OR6J1: variants seen among roughly 807,000 people sequenced by gnomAD.
The protein encoded by OR6J1 is olfactory receptor 6J1.
For synonymous variants in OR6J1, 109 were observed against 70.0 expected, an observed-to-expected ratio of 1.56 and a Z score of -2.78; for missense variants, 304 against 166.8, an observed-to-expected ratio of 1.82 and a Z score of -4.53.
At chr14:22,643,125 G>A (rs757547130) in intron 1 of OR6J1, among the ~76,000 whole-genome samples, 11 of 151,792 alleles carry the variant, frequency 7.2e-5, no homozygotes, top group African/African-American at 2.4e-4. Context: ...CTGCCACCAC[G>A]CCCAGCAGAT....
At chr14:22,638,887 T>C (rs1406483857) in intron 1 of OR6J1, among the ~76,000 whole-genome samples, 1 of 121,074 alleles carries the variant, frequency 8.3e-6, no homozygotes. Flanking sequence ...GGAGCGCCTC[T>C]TCCCAGCCGC....
chr14:22,640,911 G>A (rs970291382), intron 1 of OR6J1, among the ~76,000 whole-genome samples: 1 of 151,180 alleles, frequency 6.6e-6, no homozygotes, highest in East Asian at 1.9e-4. Context: ...GCTAACGCGT[G>A]TAATCCCAGC....
At chr14:22,642,218 C>T (rs2037657628) in intron 1 of OR6J1, among the ~76,000 whole-genome samples, 1 of 151,180 alleles carries the variant, frequency 6.6e-6, no homozygotes, top group Admixed American at 6.6e-5. Flanking sequence ...ATATATAACT[C>T]AAGTACCATA....
chr14:22,635,056 T>A (rs1258998482), intron 1 of OR6J1, among the ~76,000 whole-genome samples: 1 of 152,236 alleles, frequency 6.6e-6, no homozygotes, highest in Non-Finnish European at 1.5e-5. Context: ...ACCTATGCTG[T>A]CATATAGGTC....
chr14:22,637,666 C>A (rs1426985267), intron 1 of OR6J1, among the ~76,000 whole-genome samples: 1 of 78,992 alleles, frequency 1.3e-5, no homozygotes, highest in Non-Finnish European at 2.5e-5. Flanking sequence ...GCCAGCTGCC[C>A]CGTCCGGGAG....
Position 22,641,469 on chromosome 14 carries a change from A to G in OR6J1, c.-28+2629T>C, listed in dbSNP as rs1443703892. 1.7e-4 allele frequency among the ~76,000 whole-genome samples: 8 copies of G among 45,796 alleles called. No individual in the cohort carries two copies. In the East Asian group the frequency reaches 0.012, roughly 68 times the overall value. The allele number at this position is 45,796 out of a possible 152,430, so 30.0% of individuals were successfully genotyped here. ...AGAGAGAAAGAAAGAAAGAAAGAAAAAGAAAGAAAGGAAGGAAGGAAGGAG... is the reference window on the plus strand; with the variant it reads ...AGAGAGAAAGAAAGAAAGAAAGAAAGAGAAAGAAAGGAAGGAAGGAAGGAG... On this transcript the variant is annotated intron_variant, in intron 1 of 1. Coordinates refer to ENST00000540461, the MANE Select transcript of OR6J1 (RefSeq NM_001348233.2).
In OR6J1 at chr14:22,633,704, C is replaced by T; in HGVS notation, c.*64G>A. On this transcript the variant is annotated 3_prime_UTR_variant, in exon 2 of 2. Coordinates refer to ENST00000540461, the MANE Select transcript of OR6J1 (RefSeq NM_001348233.2). ...GTCTCTGTCTCCGCAGTCAGTCTTT[C>T]CACTATAGACTATTCAGAATTCCTT... 6.6e-6 allele frequency: 4 copies of T among 610,472 alleles called. No individual in the cohort carries two copies. In the South Asian group the frequency reaches 7.8e-5, roughly 12 times the overall value. The allele number at this position is 610,472 out of a possible 1,614,324, so 37.8% of individuals were successfully genotyped here. A position where few individuals can be genotyped will look rare whatever the true frequency, so the allele number is the denominator to read the frequency against.
rs894533211 is a variant in OR6J1, at chr14:22,634,359, G to T, written c.453C>A (p.Gly151=). 1.4e-6 allele frequency: 1 copy of T among 703,320 alleles called. No individual in the cohort carries two copies. The allele number at this position is 703,320 out of a possible 1,614,324, so 43.6% of individuals were successfully genotyped here. A position where few individuals can be genotyped will look rare whatever the true frequency, so the allele number is the denominator to read the frequency against. ...IGTVVFSWVG[G]FLSVLFPTIL... ...TGGTTGGAAAGAGCACAGACAGGAAGCCTCCCACCCAAGAGAATACAACGG... is the reference window on the plus strand; with the variant it reads ...TGGTTGGAAAGAGCACAGACAGGAATCCTCCCACCCAAGAGAATACAACGG... The change falls in exon 2 of 2, where the codon GGC becomes GGA. Residue 151 remains glycine (G), a synonymous_variant. Coordinates refer to ENST00000540461, the MANE Select transcript of OR6J1 (RefSeq NM_001348233.2).
chr14:22,634,118 C>T lies in OR6J1; in HGVS notation c.694G>A (p.Gly232Arg). The change falls in exon 2 of 2, where the codon GGA becomes AGA. Residue 232 changes from glycine to arginine, a missense_variant. By Grantham distance (125) the Gly-to-Arg change is moderately radical. Coordinates refer to ENST00000540461, the MANE Select transcript of OR6J1 (RefSeq NM_001348233.2). ...LTIVRIPSASGRKKAFNTCAS... is the reference protein window; with the variant it reads ...LTIVRIPSASRRKKAFNTCAS... ...CAGGTATTAAAGGCCTTCTTCCTTC[C>T]ACTTGCAGAAGGAATGCGCACTATG... The T allele has an allele frequency of 1.4e-6, 1 of 703,178 alleles. No homozygotes were observed. The highest frequency in any genetic ancestry group is 2.6e-6 in the Non-Finnish European group (1 of 384,924). The allele number at this position is 703,178 out of a possible 1,614,324, so 43.6% of individuals were successfully genotyped here.
chr14:22,635,775 T>A (rs1270684190), intron 1 of OR6J1, among the ~76,000 whole-genome samples: 1 of 152,174 alleles, frequency 6.6e-6, no homozygotes, highest in Admixed American at 6.5e-5. Flanking sequence ...CAATCTCATA[T>A]CAGACACTAA....
chr14:22,640,840 A>ATT (rs141461967), intron 1 of OR6J1, among the ~76,000 whole-genome samples: 2 of 149,992 alleles, frequency 1.3e-5, no homozygotes, highest in South Asian at 2.1e-4. Flanking sequence ...TATTTTCAGT[A>ATT]TTTTTTTTTA....
rs1402106179 is a variant in OR6J1 at position 22,636,865 on chromosome 14, T to C, written c.-27-2027A>G. Among the ~76,000 whole-genome samples the C allele has an allele frequency of 1.8e-3, 205 of 114,594 alleles. 8 individuals are homozygous for C. The highest frequency in any genetic ancestry group is 2.8e-3 in the Admixed American group (36 of 12,832). 75.2% of individuals were successfully genotyped at this position (114,594 alleles called of 152,430 possible). On this transcript the variant is annotated intron_variant, in intron 1 of 1. Transcript: ENST00000540461. ...TCTGGGAAGTGAGGAGCGTCTCTGC[T>C]TGGCCACCCATCGTCTGGGATATGA...
chr14:22,634,617 G>C lies in OR6J1; in HGVS notation c.195C>G (p.Leu65=), dbSNP rs994034986. 6 of 734,554 alleles carry C rather than the reference G, an allele frequency of 8.2e-6. No individual in the cohort carries two copies. The highest frequency in any genetic ancestry group is 1.5e-5 in the Non-Finnish European group (6 of 398,772). 45.5% of individuals were successfully genotyped at this position (734,554 alleles called of 1,614,324 possible). ...HTPMYFFLCN[L]SILDILFTSV... ...AGGTGAAGAGGATGTCCAGGATAGA[G>C]AGGTTGCACAAGAAGAAGTACATGG... is the stretch of plus-strand genomic sequence containing the variant. Residue 65 remains leucine, a synonymous_variant, in exon 2 of 2, where the codon CTC becomes CTG. Transcript: ENST00000540461.
chr14:22,635,232 A>G (rs1167667170), intron 1 of OR6J1, among the ~76,000 whole-genome samples: 1 of 152,246 alleles, frequency 6.6e-6, no homozygotes, highest in Non-Finnish European at 1.5e-5. Flanking sequence ...ACAATAATGA[A>G]AATTTGGCAA....
At chr14:22,640,485 ATTTTTTTTTTT>A (rs1299631664) in intron 1 of OR6J1, among the ~76,000 whole-genome samples, 1 of 118,012 alleles carries the variant, frequency 8.5e-6, no homozygotes, top group African/African-American at 3.4e-5. Flanking sequence ...GTGAGAATGT[ATTTTTTTTTTT>A]TTTTTTTTTT....
At chr14:22,640,044 T>C (rs1359454765) in intron 1 of OR6J1, among the ~76,000 whole-genome samples, 4 of 151,766 alleles carry the variant, frequency 2.6e-5, no homozygotes, top group Non-Finnish European at 5.9e-5. Context: ...ATTTATATAA[T>C]TGCTTTGGAA....
At chr14:22,641,383 A>AAG (rs376146733) in intron 1 of OR6J1, among the ~76,000 whole-genome samples, 13 of 49,964 alleles carry the variant, frequency 2.6e-4, no homozygotes, top group Non-Finnish European at 3.4e-4. Flanking sequence ...AGAAGAAAGA[A>AAG]AGAGAGAGAG....
Position 22,643,764 on chromosome 14 carries a change from C to CAGAGAGAGAGAGAG in OR6J1, c.-28+320_-28+333dup, listed in dbSNP as rs1233027589. Among the ~76,000 whole-genome samples the CAGAGAGAGAGAGAG allele has an allele frequency of 2.9e-3, 109 of 37,682 alleles. 2 individuals carry two copies. The highest frequency in any genetic ancestry group is 0.014 in the South Asian group (8 of 572). The allele number at this position is 37,682 out of a possible 152,430, so 24.7% of individuals were successfully genotyped here. A position where few individuals can be genotyped will look rare whatever the true frequency, so the allele number is the denominator to read the frequency against. Reference sequence around the variant, plus strand: ...ACACACACACACACACACACACACACAGAGAGAGAGAGAGAGAGAGAGAGA... The same window carrying CAGAGAGAGAGAGAG: ...ACACACACACACACACACACACACACAGAGAGAGAGAGAGAGAGAGAGAGAGAGAGAGAGAGAGA... On this transcript the variant is annotated intron_variant, in intron 1 of 1. Coordinates refer to ENST00000540461, the MANE Select transcript of OR6J1 (RefSeq NM_001348233.2).
rs902827124 is a variant in OR6J1 at position 22,634,909 on chromosome 14, A to C, written c.-27-71T>G. 6.8e-6 allele frequency: 4 copies of C among 590,394 alleles called. No homozygotes were observed. The African/African-American group carries it at 7.4e-5, about 11-fold the overall frequency. 36.6% of individuals were successfully genotyped at this position (590,394 alleles called of 1,614,324 possible). On this transcript the variant is annotated intron_variant, in intron 1 of 1. Coordinates refer to ENST00000540461, the MANE Select transcript of OR6J1 (RefSeq NM_001348233.2). ...TGAAACCCCATGGCTGCTCACTAGAAAAATATGAACATAGAACATGATGAC... is the reference window on the plus strand; with the variant it reads ...TGAAACCCCATGGCTGCTCACTAGACAAATATGAACATAGAACATGATGAC...
Sources: gnomAD v4.1 joint callset for allele counts (sites outside exome capture counted in the v4.1 genomes callset) on GRCh38, gnomAD v4.1.1 for gene constraint, MANE v1.5 for transcripts, NCBI Gene and HGNC (gene_info 2026-07-23, HGNC 2026-07-21) for gene names.